MGAT4C: variants seen among roughly 807,000 people sequenced by gnomAD.
MGAT4C encodes the protein alpha-1,3-mannosyl-glycoprotein 4-beta-N-acetylglucosaminyltransferase C.
In MGAT4C, 19 loss-of-function variants were observed where a neutral mutation model predicts 40.1. The observed-to-expected ratio is 0.47, with a 90% CI of 0.33 to 0.70. The LOEUF (loss-of-function observed/expected upper bound fraction) is 0.70, where lower values mean the gene tolerates loss of function less well. MGAT4C is among the 30% of genes least tolerant of loss of function. The pLI, the probability that MGAT4C is intolerant of heterozygous loss-of-function variation, is 0.02. For synonymous variants in MGAT4C, 181 were observed against 187.1 expected, an observed-to-expected ratio of 0.97 and a Z score of 0.27; for missense variants, 491 against 563.2, an observed-to-expected ratio of 0.87 and a Z score of 1.30.
intron 2 of MGAT4C, among the ~76,000 whole-genome samples, chr12:86,527,390 T>C (rs184835626): frequency 1.8e-4 from 27 of 152,340 alleles, no homozygotes; most frequent in African/African-American, 5.8e-4. Context: ...CCATTTTTAT[T>C]ACTGTATCTT....
intron 2 of MGAT4C, among the ~76,000 whole-genome samples, chr12:86,632,436 A>G (rs1215061288): frequency 6.6e-6 from 1 of 152,058 alleles, no homozygotes; most frequent in African/African-American, 2.4e-5. Context: ...AAATCATGCT[A>G]CTATAAAGAG....
At chr12:86,691,608 A>G (rs1202307424) in intron 2 of MGAT4C, among the ~76,000 whole-genome samples, 1 of 124,448 alleles carries the variant, frequency 8.0e-6, no homozygotes. Context: ...TAAGATAGAC[A>G]TTCTATATAC....
chr12:86,046,947 G>A (rs1024015745), intron 2 of MGAT4C, among the ~76,000 whole-genome samples: 2 of 152,080 alleles, frequency 1.3e-5, no homozygotes, highest in Non-Finnish European at 2.9e-5. Flanking sequence ...TTTAAAAAAT[G>A]CAGTTATTTT....
intron 4 of MGAT4C, among the ~76,000 whole-genome samples, chr12:86,296,580 G>C (rs1168489934): frequency 6.6e-6 from 1 of 152,210 alleles, no homozygotes; most frequent in African/African-American, 2.4e-5. Flanking sequence ...GCGAGAAATC[G>C]AGCGCAGCGC....
At position 85,970,865 on chromosome 12, in the gene MGAT4C, C is replaced by G. The variant is rs1883589419; in HGVS notation, c.*8424G>C. ...AGTTACTAAAAATGTATTTTCCTAC[C>G]TACATAATGTCAATCTCTATTGCTC... On this transcript the variant is annotated 3_prime_UTR_variant, in exon 5 of 5. Transcript: ENST00000611864. 1 of 151,074 alleles carries G rather than the reference C, an allele frequency of 6.6e-6. No individual in the cohort carries two copies. The highest frequency in any genetic ancestry group is 2.4e-5 in the African/African-American group (1 of 41,298). 9.4% of individuals were successfully genotyped at this position (151,074 alleles called of 1,614,324 possible).
At chr12:86,073,285 C>A (rs913959404) in intron 1 of MGAT4C, among the ~76,000 whole-genome samples, 1 of 152,166 alleles carries the variant, frequency 6.6e-6, no homozygotes, top group African/African-American at 2.4e-5. Context: ...AACTGTGAGT[C>A]CATTAAATAT....
At position 86,308,783 on chromosome 12, in the gene MGAT4C, C is replaced by G. The variant is rs143819739; in HGVS notation, c.-57+25282G>C. On this transcript the variant is annotated intron_variant, in intron 4 of 7. Transcript: ENST00000548651. ...GTATGAACCCACTATGGTTGAGACACTGTGTTAAGTATTTTATATACATTA... is the reference window on the plus strand; with the variant it reads ...GTATGAACCCACTATGGTTGAGACAGTGTGTTAAGTATTTTATATACATTA... 3.3e-5 allele frequency among the ~76,000 whole-genome samples: 5 copies of G among 150,526 alleles called. 1 individual carries two copies. The highest frequency in any genetic ancestry group is 1.2e-4 in the African/African-American group (5 of 40,012).
At chr12:86,521,796 T>C (rs1958799485) in intron 2 of MGAT4C, among the ~76,000 whole-genome samples, 2 of 152,152 alleles carry the variant, frequency 1.3e-5, no homozygotes, top group Admixed American at 6.6e-5. Flanking sequence ...TGTTTTGTAG[T>C]TCTCCATGTA....
At chr12:86,240,203 C>CAT (rs113114301) in intron 1 of MGAT4C, among the ~76,000 whole-genome samples, 13,069 of 149,992 alleles carry the variant, frequency 0.087, 817 homozygotes, top group African/African-American at 0.19. Flanking sequence ...TGATATATAT[C>CAT]ATATATATAT....
Position 86,560,972 on chromosome 12 carries a change from C to G in MGAT4C, c.-228-125707G>C, listed in dbSNP as rs544139162. On this transcript the variant is annotated intron_variant, in intron 2 of 7. Coordinates refer to the MGAT4C transcript ENST00000548651. ...GTAAAGTTTCAGGATACAAAACCAACATACAAAAATCAGTAGCATTTCTAT... is the reference window on the plus strand; with the variant it reads ...GTAAAGTTTCAGGATACAAAACCAAGATACAAAAATCAGTAGCATTTCTAT... Among the ~76,000 whole-genome samples, 72 of 152,126 alleles carry G rather than the reference C, an allele frequency of 4.7e-4. 1 individual carries two copies. Among genetic ancestry groups the G allele is most frequent in the South Asian group, 2.1e-3 (10 of 4,826 alleles).
chr12:85,984,966 G>A lies in MGAT4C; in HGVS notation c.148-1296C>T, dbSNP rs184373722. ...GCTAATTTTAGTATTTTTTAGTAGA[G>A]ATGAGTTTCCGCCATGTTGGCCAAG... On this transcript the variant is annotated intron_variant, in intron 3 of 4. Transcript: ENST00000611864. Among the ~76,000 whole-genome samples the A allele has an allele frequency of 5.5e-4, 83 of 152,202 alleles. No individual in the cohort carries two copies. In the East Asian group the frequency reaches 9.1e-3, roughly 17 times the overall value.
At chr12:85,993,945 G>A (rs1246761666) in intron 2 of MGAT4C, among the ~76,000 whole-genome samples, 3 of 152,108 alleles carry the variant, frequency 2.0e-5, no homozygotes, top group Non-Finnish European at 4.4e-5. Flanking sequence ...GGTGGCATGG[G>A]GTCCTTCCAG....
chr12:85,981,732 C>T (rs1027342752), intron 4 of MGAT4C, among the ~76,000 whole-genome samples: 10 of 152,088 alleles, frequency 6.6e-5, no homozygotes, highest in Admixed American at 2.6e-4. Flanking sequence ...CACTAAGTCA[C>T]GGTGAGATGA....
intron 3 of MGAT4C, among the ~76,000 whole-genome samples, chr12:86,428,460 G>T (rs1447149775): frequency 1.3e-5 from 2 of 152,136 alleles, no homozygotes; most frequent in African/African-American, 4.8e-5. Context: ...TGTATTGCCT[G>T]CCTCGGCCTC....
chr12:86,374,348 C>T (rs1955784339), intron 3 of MGAT4C, among the ~76,000 whole-genome samples: 1 of 151,924 alleles, frequency 6.6e-6, no homozygotes, highest in South Asian at 2.1e-4. Flanking sequence ...GTGACTGTAC[C>T]CAATGCAAAA....
At chr12:86,453,308 G>A (rs1957457739) in intron 2 of MGAT4C, among the ~76,000 whole-genome samples, 1 of 152,030 alleles carries the variant, frequency 6.6e-6, no homozygotes, top group Non-Finnish European at 1.5e-5. Context: ...TAAAATATAT[G>A]AAATCATAAT....
rs1197537613 is a variant in MGAT4C at position 86,256,229 on chromosome 12, A to C, written c.-57+10T>G. On this transcript the variant is annotated intron_variant, in intron 1 of 4. Transcript: ENST00000611864. ...TTTAAAAGAGAAGGTAAAACAGAAG[A>C]AGCCCTTACCAGAGACAGAGAAAAC... The C allele has an allele frequency of 6.6e-6, 1 of 152,172 alleles. No individual in the cohort carries two copies. Among genetic ancestry groups the C allele is most frequent in the Non-Finnish European group, 1.5e-5 (1 of 68,020 alleles). The allele number at this position is 152,172 out of a possible 1,614,324, so 9.4% of individuals were successfully genotyped here. A position where few individuals can be genotyped will look rare whatever the true frequency, so the allele number is the denominator to read the frequency against.
chr12:86,695,347 G>T (rs1391716697), intron 2 of MGAT4C, among the ~76,000 whole-genome samples: 2 of 152,128 alleles, frequency 1.3e-5, no homozygotes, highest in Non-Finnish European at 2.9e-5. Flanking sequence ...AACAACTATA[G>T]AGAACAGTTT....
chr12:86,686,860 A>T (rs1217410545), intron 2 of MGAT4C, among the ~76,000 whole-genome samples: 2 of 152,224 alleles, frequency 1.3e-5, no homozygotes, highest in Non-Finnish European at 2.9e-5. Flanking sequence ...ACAATGTGTT[A>T]GGGAGGAGTC....
Sources: gnomAD v4.1 joint callset for allele counts (sites outside exome capture counted in the v4.1 genomes callset) on GRCh38, gnomAD v4.1.1 for gene constraint, MANE v1.5 for transcripts, NCBI Gene and HGNC (gene_info 2026-07-23, HGNC 2026-07-21) for gene names.